Variants in ABCC9 observed in about 807,000 individuals in gnomAD.
ABCC9 encodes the protein ATP-binding cassette sub-family C member 9.
A neutral mutation model predicts 188.3 loss-of-function variants in ABCC9; 95 were observed. The ratio of observed to expected loss-of-function variants is 0.50; its 90% CI spans 0.43 to 0.60. The LOEUF (loss-of-function observed/expected upper bound fraction) is 0.60, where lower values mean the gene tolerates loss of function less well. Among genes scored for constraint, ABCC9 ranks in the 20% least tolerant of loss-of-function variants. The pLI is 0.00. For missense variants in ABCC9, 1,102 were observed against 1,876.3 expected (o/e 0.59, Z 7.62); for synonymous variants, 659 against 652.7 (o/e 1.01, Z -0.15).
chr12:21,918,413 T>C (rs551265316), intron 5 of ABCC9, among the ~76,000 whole-genome samples: 27 of 152,280 alleles, frequency 1.8e-4, no homozygotes, highest in South Asian at 1.2e-3. Flanking sequence ...TAACTGAATA[T>C]GGTACTGGTA....
intron 5 of ABCC9, 55 bp downstream of exon 5, chr12:21,925,887 G>T (rs2137998554): frequency 1.3e-6 from 2 of 1,562,748 alleles, no homozygotes; most frequent in Non-Finnish European, 1.8e-6. Flanking sequence ...ATAACCCTTT[G>T]GGGGGAAAAA....
intron 14 of ABCC9, among the ~76,000 whole-genome samples, chr12:21,889,462 G>T (rs557480308): frequency 1.1e-4 from 16 of 152,284 alleles, no homozygotes; most frequent in African/African-American, 3.4e-4. Context: ...GTCAATCAAA[G>T]GAATACCTTT....
chr12:21,849,553 G>A lies in ABCC9; in HGVS notation c.2770-1307C>T, dbSNP rs567562028. ...TGAAAAGTAGATTTGATTCCAGTTCGATTCCCCATGCTGTGACCAAAAGGT... is the reference window on the plus strand; with the variant it reads ...TGAAAAGTAGATTTGATTCCAGTTCAATTCCCCATGCTGTGACCAAAAGGT... On this transcript the variant is annotated intron_variant, in intron 24 of 39. Coordinates refer to ENST00000261200, the MANE Select transcript of ABCC9 (RefSeq NM_020297.4). Among the ~76,000 whole-genome samples the A allele has an allele frequency of 1.9e-4, 29 of 152,062 alleles. 1 individual carries two copies. The highest frequency in any genetic ancestry group is 3.9e-4 in the East Asian group (2 of 5,162).
At position 21,805,166 on chromosome 12, in the gene ABCC9, A is replaced by T. The variant is rs1941745062; in HGVS notation, c.4512+832T>A. 3 of 1,613,784 alleles carry T rather than the reference A, an allele frequency of 1.9e-6. No individual in the cohort carries two copies. The East Asian group carries it at 6.7e-5, about 36-fold the overall frequency. On this transcript the variant is annotated intron_variant, in intron 39 of 39. Transcript: ENST00000261200. ...AATGACAGACTTGGTGCAATAGATC[A>T]TGATGGTCTACTTGTTGGTCATCAC...
chr12:21,849,334 C>T (rs1039754314), intron 24 of ABCC9, among the ~76,000 whole-genome samples: 1 of 152,054 alleles, frequency 6.6e-6, no homozygotes, highest in African/African-American at 2.4e-5. Flanking sequence ...TGTACTACTT[C>T]AGATTCTTGG....
intron 36 of ABCC9, 42 bp from the exon 37 acceptor site, chr12:21,809,997 T>C (rs373252587): frequency 2.5e-6 from 3 of 1,203,352 alleles, no homozygotes; most frequent in African/African-American, 3.0e-5. Context: ...AGTGAAAATA[T>C]AGAAACTTTT....
chr12:21,813,991 T>C (rs143517879), intron 35 of ABCC9, among the ~76,000 whole-genome samples: 103 of 152,276 alleles, frequency 6.8e-4, no homozygotes, highest in Middle Eastern at 3.4e-3. Context: ...CAAGATACTT[T>C]ATGTGCTGGC....
intron 36 of ABCC9, among the ~76,000 whole-genome samples, chr12:21,810,418 G>A (rs1039083342): frequency 6.6e-6 from 1 of 152,136 alleles, no homozygotes; most frequent in African/African-American, 2.4e-5. Context: ...CCCGAGACTG[G>A]GTAATTTATA....
chr12:21,905,079 C>T (rs1442801564), intron 12 of ABCC9, among the ~76,000 whole-genome samples: 2 of 152,092 alleles, frequency 1.3e-5, no homozygotes, highest in African/African-American at 4.8e-5. Context: ...ACATATATAC[C>T]ATGGAATACT....
chr12:21,896,866 T>C (rs1232545646), intron 12 of ABCC9, among the ~76,000 whole-genome samples: 2 of 152,212 alleles, frequency 1.3e-5, no homozygotes, highest in African/African-American at 4.8e-5. Flanking sequence ...TTGTGAATAG[T>C]GCTGCAATAA....
At chr12:21,857,638 A>G (rs530056994) in intron 22 of ABCC9, among the ~76,000 whole-genome samples, 9 of 152,258 alleles carry the variant, frequency 5.9e-5, no homozygotes, top group African/African-American at 1.9e-4. Flanking sequence ...TGCATCCTTA[A>G]AAGCAGAAAA....
At chr12:21,880,604 T>G (rs1027144625) in intron 16 of ABCC9, among the ~76,000 whole-genome samples, 9 of 152,106 alleles carry the variant, frequency 5.9e-5, no homozygotes, top group Non-Finnish European at 8.8e-5. Context: ...TAAATATATC[T>G]TATATCGAAA....
chr12:21,880,577 C>A (rs111804844), intron 16 of ABCC9, among the ~76,000 whole-genome samples: 2,424 of 152,184 alleles, frequency 0.016, 56 homozygotes, highest in African/African-American at 0.052. Context: ...AAACTCAAAC[C>A]CCAGTGGCCA....
At chr12:21,888,779 A>G (rs1947002555) in intron 14 of ABCC9, among the ~76,000 whole-genome samples, 1 of 152,148 alleles carries the variant, frequency 6.6e-6, no homozygotes, top group South Asian at 2.1e-4. Context: ...GCAAAAATAA[A>G]TAAGTAAAAC....
rs115179076 is a variant in ABCC9, at chr12:21,871,512, G to A, written c.2198+1113C>T. ...AACCAAGAATTTTTTTTTCTTAATT[G>A]GAGTTTAAAATAAAATCTACTCTTA... On this transcript the variant is annotated intron_variant, in intron 18 of 39. Coordinates refer to ENST00000261200, the MANE Select transcript of ABCC9 (RefSeq NM_020297.4). Among the ~76,000 whole-genome samples the A allele has an allele frequency of 7.0e-3, 1,064 of 151,772 alleles. 11 individuals carry two copies. Among genetic ancestry groups the A allele is most frequent in the African/African-American group, 0.025 (1,017 of 41,384 alleles).
chr12:21,930,446 G>A (rs1257625846), intron 4 of ABCC9, among the ~76,000 whole-genome samples: 2 of 152,106 alleles, frequency 1.3e-5, no homozygotes, highest in Non-Finnish European at 2.9e-5. Flanking sequence ...CCTCTGAAAG[G>A]AGGAAGGAAA....
intron 10 of ABCC9, 73 bp downstream of exon 10, chr12:21,910,084 G>T: frequency 7.2e-7 from 1 of 1,396,946 alleles, no homozygotes; most frequent in Admixed American, 1.7e-5. Context: ...CTTTTACAGA[G>T]CTAAATACAT....
At position 21,913,923 on chromosome 12, in the gene ABCC9, C is replaced by T. The variant is rs1456155688; in HGVS notation, c.817-857G>A. Among the ~76,000 whole-genome samples, 5 of 152,116 alleles carry T rather than the reference C, an allele frequency of 3.3e-5. No homozygotes were observed. In the East Asian group the frequency reaches 9.6e-4, roughly 29 times the overall value. ...CAAAGTTTATGTAGACGTTAACACACCAAGTTCAAGCTAATCTCTGTTGTA... is the reference window on the plus strand; with the variant it reads ...CAAAGTTTATGTAGACGTTAACACATCAAGTTCAAGCTAATCTCTGTTGTA... On this transcript the variant is annotated intron_variant, in intron 7 of 39. Coordinates refer to ENST00000261200, the MANE Select transcript of ABCC9 (RefSeq NM_020297.4).
chr12:21,802,288 A>G (rs967909044), intron 39 of ABCC9, among the ~76,000 whole-genome samples: 2 of 152,230 alleles, frequency 1.3e-5, no homozygotes, highest in Non-Finnish European at 2.9e-5. Context: ...CAAACAAATA[A>G]TAAATGTCAA....
Sources: gnomAD v4.1 joint callset for allele counts (sites outside exome capture counted in the v4.1 genomes callset) on GRCh38, gnomAD v4.1.1 for gene constraint, MANE v1.5 for transcripts, NCBI Gene and HGNC (gene_info 2026-07-23, HGNC 2026-07-21) for gene names.